The following TRIM44 variants were observed in gnomAD, a reference collection of about 807,000 sequenced individuals.
TRIM44 encodes the protein tripartite motif-containing protein 44.
In TRIM44, 13 loss-of-function variants were observed where a neutral mutation model predicts 37.4. The ratio of observed to expected loss-of-function variants is 0.35; its 90% CI spans 0.23 to 0.55. The LOEUF (loss-of-function observed/expected upper bound fraction) is 0.55, where lower values mean the gene tolerates loss of function less well. TRIM44 is among the 20% of genes least tolerant of loss of function. The pLI is 0.89. For synonymous variants in TRIM44, 175 were observed against 157.2 expected, an observed-to-expected ratio of 1.11 and a Z score of -0.85; for missense variants, 426 against 437.2, an observed-to-expected ratio of 0.97 and a Z score of 0.23.
chr11:35,817,464 A>G lies in TRIM44; in HGVS notation c.*11079A>G, dbSNP rs1192557800. 1 of 152,212 alleles carries G rather than the reference A, an allele frequency of 6.6e-6. No homozygotes were observed. The allele number at this position is 152,212 out of a possible 1,614,324, so 9.4% of individuals were successfully genotyped here. ...TAACACGGTAAGATCTTAGCAAAGTAAAAAGGACAGTGATAACAGAAAAAT... is the reference window on the plus strand; with the variant it reads ...TAACACGGTAAGATCTTAGCAAAGTGAAAAGGACAGTGATAACAGAAAAAT... On this transcript the variant is annotated 3_prime_UTR_variant, in exon 5 of 5. Coordinates refer to ENST00000299413, the MANE Select transcript of TRIM44 (RefSeq NM_017583.6).
intron 4 of TRIM44, among the ~76,000 whole-genome samples, chr11:35,747,299 A>G (rs960024839): frequency 1.3e-5 from 2 of 152,192 alleles, no homozygotes; most frequent in Admixed American, 6.5e-5. Flanking sequence ...TATAATTTCA[A>G]AGTTTTAAAA....
chr11:35,707,560 C>G (rs1221801205), intron 2 of TRIM44, among the ~76,000 whole-genome samples: 1 of 150,380 alleles, frequency 6.6e-6, no homozygotes, highest in African/African-American at 2.4e-5. Flanking sequence ...GGTACCAAAA[C>G]AGAGATATAG....
At chr11:35,785,692 C>T (rs1321249888) in intron 4 of TRIM44, among the ~76,000 whole-genome samples, 2 of 152,184 alleles carry the variant, frequency 1.3e-5, no homozygotes, top group Admixed American at 6.5e-5. Context: ...TGAATCCCTC[C>T]CTAGGAGCTG....
chr11:35,725,066 TCACACACACACACACACACACACACACA>T (rs59413888), intron 2 of TRIM44, among the ~76,000 whole-genome samples: 1 of 141,072 alleles, frequency 7.1e-6, no homozygotes, highest in Admixed American at 6.9e-5. Context: ...ATGCACACAC[TCACACACACACACACACACACACACACA>T]CACACACACA....
At chr11:35,702,886 G>A (rs529211975) in intron 2 of TRIM44, among the ~76,000 whole-genome samples, 48 of 152,356 alleles carry the variant, frequency 3.2e-4, no homozygotes, top group African/African-American at 1.1e-3. Context: ...ATCTCACTAG[G>A]GAGTGCCAGA....
Position 35,752,690 on chromosome 11 carries a change from T to C in TRIM44, c.1007+17245T>C, listed in dbSNP as rs151147399. 1.8e-3 allele frequency among the ~76,000 whole-genome samples: 278 copies of C among 152,280 alleles called. 2 individuals are homozygous for C. Among genetic ancestry groups the C allele is most frequent in the African/African-American group, 6.4e-3 (267 of 41,556 alleles). On this transcript the variant is annotated intron_variant, in intron 4 of 4. Coordinates refer to ENST00000299413, the MANE Select transcript of TRIM44 (RefSeq NM_017583.6). ...CATGCCTCATTGCTCACCTTAGCCATATTGCTTTCTTCCTCTTCTTCAGAG... is the reference window on the plus strand; with the variant it reads ...CATGCCTCATTGCTCACCTTAGCCACATTGCTTTCTTCCTCTTCTTCAGAG...
chr11:35,768,354 A>C (rs56000914), intron 4 of TRIM44, among the ~76,000 whole-genome samples: 1 of 152,314 alleles, frequency 6.6e-6, no homozygotes, highest in African/African-American at 2.4e-5. Context: ...AAAGAAGCTA[A>C]ATAATTTGTT....
chr11:35,742,254 T>C (rs1380148083), intron 4 of TRIM44, among the ~76,000 whole-genome samples: 1 of 151,522 alleles, frequency 6.6e-6, no homozygotes, highest in African/African-American at 2.4e-5. Flanking sequence ...GCAATTTAAA[T>C]TTTATATTTA....
Position 35,813,762 on chromosome 11 carries a change from C to T in TRIM44, c.*7377C>T, listed in dbSNP as rs1415814028. 6.6e-6 allele frequency: 1 copy of T among 151,842 alleles called. No individual in the cohort carries two copies. Among genetic ancestry groups the T allele is most frequent in the African/African-American group, 2.4e-5 (1 of 41,308 alleles). The allele number at this position is 151,842 out of a possible 1,614,324, so 9.4% of individuals were successfully genotyped here. A position where few individuals can be genotyped will look rare whatever the true frequency, so the allele number is the denominator to read the frequency against. On this transcript the variant is annotated 3_prime_UTR_variant, in exon 5 of 5. Transcript: ENST00000299413. ...ATATCAAACATTTTAGAAATATTTA[C>T]ATCCCAATGGTTAAAAAAAAAAACT...
Position 35,726,088 on chromosome 11 carries a change from T to C in TRIM44, c.912T>C (p.Asp304=). ...EILADIQSHM[D]RLMTQMAQAK... ...TGGCAGACATCCAATCCCACATGGA[T>C]AGGTTGATGACTCAGATGGCCCAAG... Residue 304 remains aspartate, a synonymous_variant, in exon 3 of 5, where the codon GAT becomes GAC. Transcript: ENST00000299413. 1 of 1,614,050 alleles carries C rather than the reference T, an allele frequency of 6.2e-7. No homozygotes were observed. Among genetic ancestry groups the C allele is most frequent in the African/African-American group, 1.3e-5 (1 of 75,018 alleles).
chr11:35,668,315 G>GT (rs765892072), intron 1 of TRIM44, among the ~76,000 whole-genome samples: 139 of 152,296 alleles, frequency 9.1e-4, no homozygotes, highest in Non-Finnish European at 1.5e-3. Context: ...CATCACTTAG[G>GT]TATTAAGCCC....
At chr11:35,694,392 G>A (rs1461829243) in intron 2 of TRIM44, among the ~76,000 whole-genome samples, 1 of 152,104 alleles carries the variant, frequency 6.6e-6, no homozygotes, top group Non-Finnish European at 1.5e-5. Context: ...GTTTCTGACT[G>A]ATGATGAGGC....
intron 2 of TRIM44, among the ~76,000 whole-genome samples, chr11:35,705,861 G>A (rs1250957610): frequency 1.3e-5 from 2 of 148,438 alleles, no homozygotes; most frequent in African/African-American, 4.9e-5. Flanking sequence ...AACTAGAAAA[G>A]CAAGAGCAAA....
Position 35,746,446 on chromosome 11 carries a change from CT to C in TRIM44, c.1007+11023del, listed in dbSNP as rs5791065. Among the ~76,000 whole-genome samples, 149 of 93,180 alleles carry C rather than the reference CT, an allele frequency of 1.6e-3. 1 individual carries two copies. Among genetic ancestry groups the C allele is most frequent in the Middle Eastern group, 8.8e-3 (1 of 114 alleles). 61.1% of individuals were successfully genotyped at this position (93,180 alleles called of 152,430 possible). On this transcript the variant is annotated intron_variant, in intron 4 of 4. Coordinates refer to ENST00000299413, the MANE Select transcript of TRIM44 (RefSeq NM_017583.6). ...TTCCCAGCAGCTTCCGGGGGTCCTT[CT>C]TTTTTTTTTTTTTTTTTTTTTGTAG...
chr11:35,755,285 T>G (rs1852620715), intron 4 of TRIM44, among the ~76,000 whole-genome samples: 1 of 152,254 alleles, frequency 6.6e-6, no homozygotes, highest in Non-Finnish European at 1.5e-5. Flanking sequence ...ATGTGTCTGT[T>G]GGCTGCATAA....
chr11:35,778,528 A>G (rs554226749), intron 4 of TRIM44, among the ~76,000 whole-genome samples: 1 of 152,220 alleles, frequency 6.6e-6, no homozygotes, highest in Non-Finnish European at 1.5e-5. Context: ...CCTTTAGAGG[A>G]GAAGAGGTGC....
At chr11:35,764,709 C>T (rs2970329) in intron 4 of TRIM44, among the ~76,000 whole-genome samples, 38,719 of 152,056 alleles carry the variant, frequency 0.25, 6,033 homozygotes, top group Middle Eastern at 0.45. Context: ...ACGGTTTGCA[C>T]CTTGCATCGT....
chr11:35,674,938 A>G (rs1440386313), intron 1 of TRIM44, among the ~76,000 whole-genome samples: 1 of 152,218 alleles, frequency 6.6e-6, no homozygotes, highest in Non-Finnish European at 1.5e-5. Flanking sequence ...TCTTTGAGGT[A>G]GGCCTTGAAA....
At chr11:35,708,894 T>G (rs1851927187) in intron 2 of TRIM44, among the ~76,000 whole-genome samples, 1 of 151,540 alleles carries the variant, frequency 6.6e-6, no homozygotes, top group African/African-American at 2.4e-5. Flanking sequence ...ACATGTACCC[T>G]AAAACTTAAA....
Sources: allele counts gnomAD v4.1 joint callset (sites outside exome capture counted in the v4.1 genomes callset), GRCh38; gene constraint gnomAD v4.1.1; transcripts MANE v1.5; gene names NCBI Gene and HGNC (gene_info 2026-07-23, HGNC 2026-07-21).